The following CAP2 variants were observed in gnomAD, a reference collection of about 807,000 sequenced individuals.
The protein encoded by CAP2 is cyclase associated actin cytoskeleton regulatory protein 2.
A neutral mutation model predicts 57.7 loss-of-function variants in CAP2; 24 were observed. The ratio of observed to expected loss-of-function variants is 0.42; its 90% CI spans 0.30 to 0.58. CAP2 has a LOEUF of 0.58. Ranked by LOEUF, CAP2 falls within the 20% of genes least tolerant of loss-of-function variation. CAP2 has a pLI of 0.22. For missense variants in CAP2, 501 were observed against 590.3 expected (o/e 0.85, Z 1.57); for synonymous variants, 194 against 207.2 (o/e 0.94, Z 0.55).
chr6:17,553,506 G>A (rs893965632), intron 12 of CAP2, among the ~76,000 whole-genome samples: 1 of 151,988 alleles, frequency 6.6e-6, no homozygotes, highest in African/African-American at 2.4e-5. Flanking sequence ...GGTGGCACAC[G>A]CCTGTAGTCC....
intron 4 of CAP2, among the ~76,000 whole-genome samples, chr6:17,468,748 C>G (rs986106083): frequency 6.6e-6 from 1 of 152,156 alleles, no homozygotes; most frequent in Non-Finnish European, 1.5e-5. Flanking sequence ...CAAGAAGCCC[C>G]CACCCTGGCT....
intron 3 of CAP2, among the ~76,000 whole-genome samples, chr6:17,457,412 C>T (rs1029536864): frequency 1.3e-5 from 2 of 152,192 alleles, no homozygotes; most frequent in African/African-American, 2.4e-5. Context: ...TAAAATTGCT[C>T]CTAAATAGGA....
intron 4 of CAP2, among the ~76,000 whole-genome samples, chr6:17,487,091 C>G (rs1201683857): frequency 6.6e-6 from 1 of 152,228 alleles, no homozygotes; most frequent in African/African-American, 2.4e-5. Context: ...ATTAACTCAG[C>G]ACTTAATTGC....
intron 3 of CAP2, among the ~76,000 whole-genome samples, chr6:17,427,282 T>C (rs1053903099): frequency 1.3e-5 from 2 of 152,142 alleles, no homozygotes; most frequent in Non-Finnish European, 2.9e-5. Flanking sequence ...GAGTACAACA[T>C]GCTCTTCTAG....
intron 7 of CAP2, among the ~76,000 whole-genome samples, chr6:17,537,170 A>G (rs1256118278): frequency 6.6e-6 from 1 of 152,152 alleles, no homozygotes. Flanking sequence ...CTTTGAAAAT[A>G]GCGTGTTGTG....
At chr6:17,441,773 C>T (rs550690782) in intron 3 of CAP2, among the ~76,000 whole-genome samples, 9 of 152,168 alleles carry the variant, frequency 5.9e-5, no homozygotes, top group African/African-American at 9.7e-5. Context: ...GAGCGAGCCA[C>T]GGTGCCTGGC....
intron 11 of CAP2, among the ~76,000 whole-genome samples, chr6:17,545,239 C>A (rs1189317823): frequency 6.6e-6 from 1 of 152,072 alleles, no homozygotes; most frequent in Non-Finnish European, 1.5e-5. Flanking sequence ...ACAAACACAC[C>A]TTAATTTTAG....
intron 4 of CAP2, among the ~76,000 whole-genome samples, chr6:17,499,116 G>A (rs965075119): frequency 2.6e-5 from 4 of 151,968 alleles, no homozygotes; most frequent in Non-Finnish European, 5.9e-5. Context: ...TTAAAATAAG[G>A]GCTTTAAAGT....
chr6:17,416,936 T>A (rs1481579749), intron 1 of CAP2, among the ~76,000 whole-genome samples: 1 of 151,948 alleles, frequency 6.6e-6, no homozygotes, highest in Non-Finnish European at 1.5e-5. Context: ...CTGCAAAAAA[T>A]GAATTTAAAA....
chr6:17,535,594 C>A (rs762603577), intron 7 of CAP2, among the ~76,000 whole-genome samples: 1 of 147,792 alleles, frequency 6.8e-6, no homozygotes, highest in Non-Finnish European at 1.5e-5. Flanking sequence ...TTTTTTAAGT[C>A]CAAATATAGC....
chr6:17,461,162 CAAAA>C (rs1760709161), intron 3 of CAP2, among the ~76,000 whole-genome samples: 1 of 143,928 alleles, frequency 6.9e-6, no homozygotes, highest in Non-Finnish European at 1.5e-5. Context: ...AACAAACAGA[CAAAA>C]AAAGAAAAAC....
At position 17,469,416 on chromosome 6, in the gene CAP2, C is replaced by CTGTGTGTG. The variant is rs145245116; in HGVS notation, c.300+6353_300+6360dup. On this transcript the variant is annotated intron_variant, in intron 4 of 12. Transcript: ENST00000229922. ...TGTGTGTGTGTGTGTCTGTGTGTGT[C>CTGTGTGTG]TGTGTGTGTGTGTGTGTCTGTGTGT... Among the ~76,000 whole-genome samples, 130 of 150,200 alleles carry CTGTGTGTG rather than the reference C, an allele frequency of 8.7e-4. 1 individual carries two copies. In the East Asian group the frequency reaches 0.024, roughly 27 times the overall value.
chr6:17,542,929 G>A lies in CAP2; in HGVS notation c.1095G>A (p.Gln365=), dbSNP rs774350356. The A allele has an allele frequency of 3.1e-6, 5 of 1,613,828 alleles. No homozygotes were observed. The highest frequency in any genetic ancestry group is 3.4e-6 in the Non-Finnish European group (4 of 1,179,722). The change falls in exon 10 of 13, where the codon CAG becomes CAA. Residue 365 remains glutamine (Q), a synonymous_variant. Coordinates refer to ENST00000229922, the MANE Select transcript of CAP2 (RefSeq NM_006366.3). ...YIFKCEKSTI[Q]IKGKVNSIII... ...TCAAATGCGAAAAATCAACTATTCAGATAAAAGGGAAAGTAAACTCCATTA... is the reference window on the plus strand; with the variant it reads ...TCAAATGCGAAAAATCAACTATTCAAATAAAAGGGAAAGTAAACTCCATTA...
intron 4 of CAP2, among the ~76,000 whole-genome samples, chr6:17,484,782 T>C (rs140455513): frequency 9.5e-4 from 144 of 152,256 alleles, no homozygotes; most frequent in Admixed American, 1.8e-3. Context: ...GTAGAGAAAG[T>C]GGTTTTGAGA....
intron 4 of CAP2, among the ~76,000 whole-genome samples, chr6:17,479,396 T>C (rs750834813): frequency 1.3e-5 from 2 of 152,100 alleles, no homozygotes; most frequent in Non-Finnish European, 2.9e-5. Flanking sequence ...GATGATGCCC[T>C]AACCAGGAGA....
At chr6:17,404,727 C>T (rs7775294) in intron 1 of CAP2, among the ~76,000 whole-genome samples, 15,137 of 148,478 alleles carry the variant, frequency 0.1, 2,590 homozygotes, top group African/African-American at 0.36. Flanking sequence ...GCCAAGATCG[C>T]GCCACTGCAC....
chr6:17,462,714 G>A (rs531791071), intron 3 of CAP2, among the ~76,000 whole-genome samples: 4 of 152,272 alleles, frequency 2.6e-5, no homozygotes, highest in Non-Finnish European at 5.9e-5. Context: ...CACCTATGTC[G>A]TAGCAGGTGT....
chr6:17,413,347 C>T (rs908197567), intron 1 of CAP2, among the ~76,000 whole-genome samples: 1 of 151,982 alleles, frequency 6.6e-6, no homozygotes, highest in Non-Finnish European at 1.5e-5. Flanking sequence ...TGCTGTTTGG[C>T]GAGAAGCTGG....
At chr6:17,460,789 C>T (rs1760698341) in intron 3 of CAP2, among the ~76,000 whole-genome samples, 1 of 152,156 alleles carries the variant, frequency 6.6e-6, no homozygotes, top group Non-Finnish European at 1.5e-5. Flanking sequence ...TGCATATATT[C>T]TTAAAAGGAG....
Sources: gnomAD v4.1 joint callset for allele counts (sites outside exome capture counted in the v4.1 genomes callset) on GRCh38, gnomAD v4.1.1 for gene constraint, MANE v1.5 for transcripts, NCBI Gene and HGNC (gene_info 2026-07-23, HGNC 2026-07-21) for gene names.